ST18: variants seen among roughly 807,000 people sequenced by gnomAD.
ST18 encodes the protein suppression of tumorigenicity 18 protein.
In ST18, 50 loss-of-function variants were observed where a neutral mutation model predicts 110.0. That is an observed-to-expected ratio of 0.45 (90% CI 0.36 to 0.58). ST18 has a LOEUF of 0.58. Ranked by LOEUF, ST18 falls within the 20% of genes least tolerant of loss-of-function variation. ST18 has a pLI of 0.00. For synonymous variants in ST18, 461 were observed against 452.4 expected, an observed-to-expected ratio of 1.02 and a Z score of -0.24; for missense variants, 1,306 against 1,280.1, an observed-to-expected ratio of 1.02 and a Z score of -0.31.
intron 2 of ST18, among the ~76,000 whole-genome samples, chr8:52,275,362 A>ATGACT (rs1417053591): frequency 3.3e-5 from 5 of 152,186 alleles, no homozygotes; most frequent in Non-Finnish European, 7.4e-5. Flanking sequence ...AATGAGACGG[A>ATGACT]TGACTTTTGC....
intron 2 of ST18, among the ~76,000 whole-genome samples, chr8:52,362,985 G>T (rs1409358400): frequency 6.6e-6 from 1 of 152,208 alleles, no homozygotes; most frequent in Non-Finnish European, 1.5e-5. Flanking sequence ...GCTGAGGTGG[G>T]CGGATCACGA....
chr8:52,257,579 C>T (rs1005751825), intron 2 of ST18, among the ~76,000 whole-genome samples: 5 of 151,884 alleles, frequency 3.3e-5, no homozygotes, highest in African/African-American at 1.2e-4. Context: ...ATTTGTATAT[C>T]TTTTTTGGAG....
At chr8:52,279,299 T>C (rs1388861473) in intron 2 of ST18, among the ~76,000 whole-genome samples, 1 of 152,116 alleles carries the variant, frequency 6.6e-6, no homozygotes, top group Non-Finnish European at 1.5e-5. Flanking sequence ...TTGGTATGTG[T>C]ACCTAACAGC....
rs35300394 is a variant in ST18, at chr8:52,142,959, A to G, written c.2139T>C (p.His713=). 970 of 1,614,082 alleles carry G rather than the reference A, an allele frequency of 6.0e-4. 5 individuals carry two copies. In the African/African-American group the frequency reaches 0.011, roughly 18 times the overall value. Residue 713 remains histidine, a synonymous_variant, in exon 17 of 26, where the codon CAT becomes CAC. Transcript: ENST00000689386. ...TTAGTTCCTTTTTGAGATCTCTTGC[A>G]TGAAGCTTGGGTTTAGGGCTTGGTA... The part of the protein sequence containing the change: ...ASIPSPKPKL[H]ARDLKKELIT...
At chr8:52,260,479 T>C (rs2094654448) in intron 2 of ST18, among the ~76,000 whole-genome samples, 2 of 138,338 alleles carry the variant, frequency 1.4e-5, no homozygotes, top group Non-Finnish European at 2.9e-5. Flanking sequence ...AAGATTCCTT[T>C]GCACACTTTA....
chr8:52,285,226 C>T (rs901852801), intron 2 of ST18, among the ~76,000 whole-genome samples: 5 of 152,152 alleles, frequency 3.3e-5, no homozygotes, highest in African/African-American at 1.2e-4. Flanking sequence ...TTCATCATTG[C>T]CATAACGCTT....
rs2093402253 is a variant in ST18, at chr8:52,241,525, C to A, written c.-464-11448G>T. ...CAAACCTGCCCTAGCATGTGAACAA[C>A]AACCCAGACAAGGTTGGCAGCTTTG... On this transcript the variant is annotated intron_variant, in intron 2 of 25. Coordinates refer to ENST00000689386, the MANE Select transcript of ST18 (RefSeq NM_001352837.2). Among the ~76,000 whole-genome samples the A allele has an allele frequency of 3.3e-5, 5 of 152,246 alleles. No homozygotes were observed. The South Asian group carries it at 8.3e-4, about 25-fold the overall frequency.
chr8:52,342,671 C>T (rs1048797253), intron 2 of ST18, among the ~76,000 whole-genome samples: 1 of 152,124 alleles, frequency 6.6e-6, no homozygotes, highest in Non-Finnish European at 1.5e-5. Context: ...GGGGTGGTTC[C>T]TGAGACTCTG....
At chr8:52,240,102 C>T (rs564642057) in intron 2 of ST18, among the ~76,000 whole-genome samples, 2 of 152,198 alleles carry the variant, frequency 1.3e-5, no homozygotes, top group Non-Finnish European at 2.9e-5. Flanking sequence ...CCTCCATTTT[C>T]CCTTTAGCCT....
chr8:52,216,990 A>C, intron 6 of ST18, among the ~76,000 whole-genome samples: 1 of 152,184 alleles, frequency 6.6e-6, no homozygotes, highest in East Asian at 1.9e-4. Context: ...TGATTCAAGA[A>C]ATCAACCTAA....
chr8:52,156,159 G>A (rs758586885), intron 15 of ST18, among the ~76,000 whole-genome samples: 7 of 152,180 alleles, frequency 4.6e-5, no homozygotes, highest in Non-Finnish European at 1.0e-4. Context: ...CTCCCAGAGG[G>A]TCACTTCTTT....
chr8:52,259,152 C>A (rs2094607584), intron 2 of ST18, among the ~76,000 whole-genome samples: 1 of 152,186 alleles, frequency 6.6e-6, no homozygotes, highest in Admixed American at 6.5e-5. Flanking sequence ...AACAGCCTGG[C>A]AGGGCTAAGT....
At chr8:52,251,878 C>T (rs1029333751) in intron 2 of ST18, among the ~76,000 whole-genome samples, 5 of 152,076 alleles carry the variant, frequency 3.3e-5, no homozygotes, top group Non-Finnish European at 7.4e-5. Flanking sequence ...TTTTGAATTT[C>T]ATGATGTTAA....
In ST18 at chr8:52,149,893, T is replaced by A. The variant is rs781559485; in HGVS notation, c.1891A>T (p.Thr631Ser). 6.2e-7 allele frequency: 1 copy of A among 1,614,106 alleles called. No individual in the cohort carries two copies. Among genetic ancestry groups the A allele is most frequent in the African/African-American group, 1.3e-5 (1 of 75,028 alleles). Residue 631 changes from threonine to serine, a missense_variant, in exon 16 of 26, where the codon ACT becomes TCT. By Grantham distance (58) the Thr-to-Ser change is moderately conservative. Transcript: ENST00000689386. ...GTTGGAATAGAAGTGTTAGAGGAAG[T>A]TAGGGGTGCAGACTTGTCCAGGATT... ...NRILDKSAPLTSSNTSIPTPS... is the reference protein window; with the variant it reads ...NRILDKSAPLSSSNTSIPTPS...
intron 2 of ST18, among the ~76,000 whole-genome samples, chr8:52,233,654 T>C (rs2092027177): frequency 1.3e-5 from 2 of 152,184 alleles, no homozygotes; most frequent in Non-Finnish European, 2.9e-5. Context: ...GAGAGGTCCG[T>C]ACAGTTTATA....
At chr8:52,375,617 C>T (rs1324739722) in intron 2 of ST18, among the ~76,000 whole-genome samples, 1 of 152,176 alleles carries the variant, frequency 6.6e-6, no homozygotes, top group Non-Finnish European at 1.5e-5. Flanking sequence ...CAGCAGAATG[C>T]CCCTTGGTCC....
intron 2 of ST18, among the ~76,000 whole-genome samples, chr8:52,388,835 G>A (rs1838026773): frequency 1.6e-5 from 2 of 126,570 alleles, no homozygotes; most frequent in African/African-American, 6.0e-5. Context: ...GGAGGGGGGA[G>A]GGATAGCTTT....
chr8:52,220,704 A>T (rs1279383114), intron 5 of ST18, 37 bp downstream of exon 5: 3 of 152,136 alleles, frequency 2.0e-5, no homozygotes, highest in African/African-American at 7.2e-5. Context: ...TTCTTTCAAC[A>T]TGTTCTACTT....
At position 52,274,386 on chromosome 8, in the gene ST18, A is replaced by C. The variant is rs2095171242; in HGVS notation, c.-464-44309T>G. 2.0e-5 allele frequency among the ~76,000 whole-genome samples: 3 copies of C among 152,150 alleles called. No individual in the cohort carries two copies. In the South Asian group the frequency reaches 6.2e-4, roughly 32 times the overall value. ...TACATATATATGTTAAATACTAGAA[A>C]TATATGTATATATGTAAAATATACA... On this transcript the variant is annotated intron_variant, in intron 2 of 25. Coordinates refer to ENST00000689386, the MANE Select transcript of ST18 (RefSeq NM_001352837.2).
Sources: gnomAD v4.1 joint callset for allele counts (sites outside exome capture counted in the v4.1 genomes callset) on GRCh38, gnomAD v4.1.1 for gene constraint, MANE v1.5 for transcripts, NCBI Gene and HGNC (gene_info 2026-07-23, HGNC 2026-07-21) for gene names.